Variants in CLCN1 observed in about 807,000 individuals in gnomAD.
The protein encoded by CLCN1 is chloride channel protein 1.
CLCN1 carries 100 observed loss-of-function variants against 114.5 expected under a neutral mutation model. That is an observed-to-expected ratio of 0.87 (90% CI 0.74 to 1.03). The LOEUF (loss-of-function observed/expected upper bound fraction) is 1.03. CLCN1 is among the 50% of genes least tolerant of loss of function. The pLI, the probability that CLCN1 is intolerant of heterozygous loss-of-function variation, is 0.00. For synonymous variants in CLCN1, 485 were observed against 487.1 expected (o/e 1.00, Z 0.06); for missense variants, 1,188 against 1,250.0 (o/e 0.95, Z 0.75).
intron 2 of CLCN1, 101 bp downstream of exon 2, chr7:143,319,976 G>T: frequency 1.6e-6 from 2 of 1,287,498 alleles, no homozygotes; most frequent in Non-Finnish European, 1.1e-6. Context: ...TCCCTGCCCT[G>T]CTACAAAAAC....
intron 18 of CLCN1, 32 bp from the exon 19 acceptor site, chr7:143,346,547 G>A: frequency 1.3e-6 from 2 of 1,542,580 alleles, no homozygotes; most frequent in Non-Finnish European, 1.8e-6. Flanking sequence ...GTTGCTTTGT[G>A]TCCATTTCCA....
intron 5 of CLCN1, among the ~76,000 whole-genome samples, chr7:143,322,836 G>C (rs572997310): frequency 6.6e-6 from 1 of 152,352 alleles, no homozygotes; most frequent in Admixed American, 6.5e-5. Context: ...AGAACTTCTT[G>C]CGTGGCCTTC....
chr7:143,318,300 G>A (rs555921753), intron 1 of CLCN1, among the ~76,000 whole-genome samples: 1 of 152,028 alleles, frequency 6.6e-6, no homozygotes, highest in African/African-American at 2.4e-5. Context: ...TCAGCTCACC[G>A]CAATCTCCGC....
rs200538268 is a variant in CLCN1 at position 143,331,341 on chromosome 7, T to G, written c.1064+25T>G. Reference sequence around the variant, plus strand: ...GGTCAGTGGGGTTACCTGCTCTGTGTGTGGTGAGCAGGGTGTGGAGTGAGG... The same window carrying G: ...GGTCAGTGGGGTTACCTGCTCTGTGGGTGGTGAGCAGGGTGTGGAGTGAGG... On this transcript the variant is annotated intron_variant, in intron 9 of 22. Transcript: ENST00000343257. 5.7e-5 allele frequency: 86 copies of G among 1,515,094 alleles called. 1 individual carries two copies. In the East Asian group the frequency reaches 1.9e-3, roughly 33 times the overall value. 93.9% of individuals were successfully genotyped at this position (1,515,094 alleles called of 1,614,324 possible).
intron 7 of CLCN1, among the ~76,000 whole-genome samples, chr7:143,329,279 C>A (rs1364939630): frequency 1.3e-5 from 2 of 152,110 alleles, no homozygotes; most frequent in African/African-American, 4.8e-5. Flanking sequence ...CAGGAATTTT[C>A]AATCCTAGGG....
At chr7:143,342,238 G>T in intron 15 of CLCN1, 96 bp downstream of exon 15, 1 of 1,490,656 alleles carries the variant, frequency 6.7e-7, no homozygotes, top group East Asian at 2.3e-5. Context: ...TGGAAACACT[G>T]TTTTAAATTA....
At position 143,345,619 on chromosome 7, in the gene CLCN1, A is replaced by G. The variant is rs552596358; in HGVS notation, c.2029A>G (p.Met677Val). 23 of 1,559,668 alleles carry G rather than the reference A, an allele frequency of 1.5e-5. No individual in the cohort carries two copies. The highest frequency in any genetic ancestry group is 2.0e-5 in the Non-Finnish European group (23 of 1,152,322). Residue 677 changes from methionine (M) to valine (V), a missense_variant, in exon 17 of 23, where the codon ATG becomes GTG. Coordinates refer to ENST00000343257, the MANE Select transcript of CLCN1 (RefSeq NM_000083.3). ...PERRLRAAQE[M>V]ARKLSELPYD... ...GCGCAGGCTGCGCGCAGCCCAAGAG[A>G]TGGCGCGGAAGTTGTCGGAGCTGCC...
In CLCN1 at chr7:143,345,555, G is replaced by A. The variant is rs1445646671; in HGVS notation, c.1965G>A (p.Ser655=). Residue 655 remains serine, a synonymous_variant, in exon 17 of 23, where the codon TCG becomes TCA. Coordinates refer to ENST00000343257, the MANE Select transcript of CLCN1 (RefSeq NM_000083.3). The part of the protein sequence containing the change: ...SMILLGSVER[S]ELQALLQRHL... ...TCCTGCTGGGCTCGGTGGAGCGGTC[G>A]GAACTGCAGGCCCTCCTGCAGCGCC... The A allele has an allele frequency of 8.4e-6, 13 of 1,543,392 alleles. No homozygotes were observed. Among genetic ancestry groups the A allele is most frequent in the African/African-American group, 6.9e-5 (5 of 72,916 alleles).
intron 7 of CLCN1, among the ~76,000 whole-genome samples, chr7:143,329,305 A>G (rs180962232): frequency 2.0e-4 from 30 of 152,270 alleles, no homozygotes; most frequent in African/African-American, 6.0e-4. Context: ...CTGAAATGTA[A>G]AGAAATATCT....
chr7:143,339,650 C>A lies in CLCN1; in HGVS notation c.1582+29C>A. The stretch of plus-strand genomic sequence containing the variant: ...AGAAACATTCCCACTTCCCTGTAAT[C>A]AAACATTGAGTACTTCAGATCCCCA... On this transcript the variant is annotated intron_variant, in intron 14 of 22. Coordinates refer to ENST00000343257, the MANE Select transcript of CLCN1 (RefSeq NM_000083.3). The surrounding 1 kb of genome is among the most constrained non-coding windows in gnomAD (Gnocchi z 4.1). The A allele has an allele frequency of 7.4e-7, 1 of 1,348,714 alleles. No homozygotes were observed. Among genetic ancestry groups the A allele is most frequent in the South Asian group, 1.2e-5 (1 of 85,666 alleles). The allele number at this position is 1,348,714 out of a possible 1,614,324, so 83.5% of individuals were successfully genotyped here.
intron 12 of CLCN1, among the ~76,000 whole-genome samples, chr7:143,335,693 T>G (rs1471618718): frequency 7.5e-6 from 1 of 134,044 alleles, no homozygotes; most frequent in African/African-American, 2.9e-5. Context: ...GGAATCTCAC[T>G]CTGTAGCCCA....
At chr7:143,330,953 G>C in intron 8 of CLCN1, 56 bp downstream of exon 8, 3 of 1,613,392 alleles carry the variant, frequency 1.9e-6, no homozygotes, top group Non-Finnish European at 2.5e-6. Flanking sequence ...TGGGAATGGG[G>C]TGCAGAGGAA....
rs576704038 is a variant in CLCN1, at chr7:143,328,997, T to A, written c.854-1775T>A. Among the ~76,000 whole-genome samples the A allele has an allele frequency of 2.0e-4, 30 of 151,376 alleles. 1 individual carries two copies. The highest frequency in any genetic ancestry group is 4.2e-4 in the South Asian group (2 of 4,750). On this transcript the variant is annotated intron_variant, in intron 7 of 22. Transcript: ENST00000343257. ...TTTTTTTTTTTTTCAAGATGGAGTC[T>A]TGCTCTGTCACCCAGGCTGGAGTAT... is the stretch of plus-strand genomic sequence containing the variant.
At position 143,327,259 on chromosome 7, in the gene CLCN1, A is replaced by G. The variant is rs142132019; in HGVS notation, c.853+2767A>G. Among the ~76,000 whole-genome samples, 122 of 18,106 alleles carry G rather than the reference A, an allele frequency of 6.7e-3. 1 individual carries two copies. Among genetic ancestry groups the G allele is most frequent in the African/African-American group, 0.012 (117 of 9,646 alleles). The allele number at this position is 18,106 out of a possible 152,430, so 11.9% of individuals were successfully genotyped here. A position where few individuals can be genotyped will look rare whatever the true frequency, so the allele number is the denominator to read the frequency against. On this transcript the variant is annotated intron_variant, in intron 7 of 22. Coordinates refer to ENST00000343257, the MANE Select transcript of CLCN1 (RefSeq NM_000083.3). ...TGAGACTCCATCTTAAAAAAAAAAA[A>G]AAAGAAAAGTTACCAGAACATTTGA...
rs75539197 is a variant in CLCN1 at position 143,327,372 on chromosome 7, G to A, written c.853+2880G>A. On this transcript the variant is annotated intron_variant, in intron 7 of 22. Coordinates refer to ENST00000343257, the MANE Select transcript of CLCN1 (RefSeq NM_000083.3). ...CTGTCTCGTGGGCATGGGATTTGTA[G>A]TATCTCACAGACCTGACTTCGGGAA... is the stretch of plus-strand genomic sequence containing the variant. Among the ~76,000 whole-genome samples the A allele has an allele frequency of 3.8e-3, 572 of 152,300 alleles. 5 individuals are homozygous for A. Among genetic ancestry groups the A allele is most frequent in the African/African-American group, 0.013 (552 of 41,558 alleles).
At position 143,350,474 on chromosome 7, in the gene CLCN1, A is replaced by T. The variant is rs748370257; in HGVS notation, c.2506A>T (p.Lys836Ter). The change falls in exon 21 of 23, where the codon AAG becomes TAG. Residue 836 changes from lysine to a stop codon, truncating the protein, a stop_gained and splice_region_variant. Coordinates refer to ENST00000343257, the MANE Select transcript of CLCN1 (RefSeq NM_000083.3). LOFTEE classifies it high-confidence loss of function. This position sits in a 1 kb window ranked among gnomAD's most constrained non-coding sequence, Gnocchi z 5.1. ...FQLVEQTTLH[K>*]THTLFSLLGL... ...GCTGGTGGAGCAGACAACCCTGCAC[A>T]AGGTGAGTCTTTTGCTGACTGCTCA... 6.2e-7 allele frequency: 1 copy of T among 1,613,742 alleles called. No homozygotes were observed. Among genetic ancestry groups the T allele is most frequent in the Non-Finnish European group, 8.5e-7 (1 of 1,179,616 alleles).
At position 143,319,957 on chromosome 7, in the gene CLCN1, C is replaced by A. The variant is rs577172514; in HGVS notation, c.301+82C>A. The A allele has an allele frequency of 1.2e-5, 17 of 1,410,570 alleles. No homozygotes were observed. In the African/African-American group the frequency reaches 2.4e-4, roughly 20 times the overall value. The allele number at this position is 1,410,570 out of a possible 1,614,324, so 87.4% of individuals were successfully genotyped here. On this transcript the variant is annotated intron_variant, in intron 2 of 22. Transcript: ENST00000343257. ...AGAATAACTTGGGCATCCCATTGCA[C>A]GTACGTACTCCCTGCCCTGCTACAA...
intron 1 of CLCN1, among the ~76,000 whole-genome samples, chr7:143,318,592 C>T (rs1282630987): frequency 2.0e-5 from 3 of 152,168 alleles, no homozygotes; most frequent in Non-Finnish European, 4.4e-5. Flanking sequence ...TTGACTTCTC[C>T]CTTGCCCTCC....
rs561470261 is a variant in CLCN1 at position 143,323,354 on chromosome 7, A to T, written c.742A>T (p.Lys248Ter). 3.1e-6 allele frequency: 5 copies of T among 1,613,644 alleles called. No individual in the cohort carries two copies. The highest frequency in any genetic ancestry group is 3.3e-5 in the Admixed American group (2 of 59,992). Residue 248 changes from lysine (K) to a stop codon, truncating the protein, a stop_gained, in exon 6 of 23, where the codon AAA becomes TAA. Coordinates refer to ENST00000343257, the MANE Select transcript of CLCN1 (RefSeq NM_000083.3). LOFTEE classifies it high-confidence loss of function. ...CAGCATCTGTGCTGCTGTCCTCAGC[A>T]AATTCATGTCTGTGTTCTGCGGGGT... Reference protein sequence around the residue: ...IASICAAVLSKFMSVFCGVYE... With the variant: ...IASICAAVLS
Sources: gnomAD v4.1 joint callset for allele counts (sites outside exome capture counted in the v4.1 genomes callset) on GRCh38, gnomAD v4.1.1 for gene constraint, Gnocchi (gnomAD v3.1) non-coding constraint, MANE v1.5 for transcripts, NCBI Gene and HGNC (gene_info 2026-07-23, HGNC 2026-07-21) for gene names.